Variants in MYO5C observed in about 807,000 individuals in gnomAD.
MYO5C encodes myosin VC.
In MYO5C, 194 loss-of-function variants were observed where a neutral mutation model predicts 235.7. The observed-to-expected ratio is 0.82, with a 90% confidence interval of 0.73 to 0.93. The LOEUF is 0.93. Ranked by LOEUF, MYO5C falls within the 40% of genes least tolerant of loss-of-function variation. The pLI, the probability that MYO5C is intolerant of heterozygous loss-of-function variation, is 0.00. For missense variants in MYO5C, 2,038 were observed against 2,127.2 expected (o/e 0.96, Z 0.82); for synonymous variants, 707 against 754.8 (o/e 0.94, Z 1.04).
At chr15:52,249,974 G>A (rs1254349651) in intron 13 of MYO5C, among the ~76,000 whole-genome samples, 1 of 152,132 alleles carries the variant, frequency 6.6e-6, no homozygotes, top group African/African-American at 2.4e-5. Context: ...GTTCTTTTAA[G>A]GGAGACTTCT....
chr15:52,265,835 G>C (rs1470432379), intron 8 of MYO5C, among the ~76,000 whole-genome samples: 2 of 152,104 alleles, frequency 1.3e-5, no homozygotes, highest in African/African-American at 4.8e-5. Context: ...CTGGCCCAGA[G>C]TCTCCTCTAC....
rs762042573 is a variant in MYO5C at position 52,242,197 on chromosome 15, C to G, written c.2407G>C (p.Val803Leu). ...GCTGCCCAAGCTTCTTTTAAGGCCA[C>G]TGCAGTAATAGCTTTCCTTGGTTAA... is the stretch of plus-strand genomic sequence containing the variant. ...QQTVRKAITA[V>L]ALKEAWAAII... The change falls in exon 20 of 41, where the codon GTG (valine) becomes CTG (leucine). Residue 803 changes from valine (V) to leucine (L), a missense_variant. Transcript: ENST00000261839. 1.9e-6 allele frequency: 3 copies of G among 1,612,804 alleles called. No individual in the cohort carries two copies. The South Asian group carries it at 3.3e-5, about 18-fold the overall frequency.
chr15:52,251,630 A>G, intron 12 of MYO5C, 115 bp from the exon 13 acceptor site: 1 of 496,782 alleles, frequency 2.0e-6, no homozygotes, highest in Non-Finnish European at 3.4e-6. Context: ...AACTGCTCTC[A>G]ATTAGAGGCT....
intron 13 of MYO5C, among the ~76,000 whole-genome samples, chr15:52,249,319 C>G (rs2036422124): frequency 6.6e-6 from 1 of 152,192 alleles, no homozygotes; most frequent in Non-Finnish European, 1.5e-5. Context: ...ACTCTCCATG[C>G]TGCCCTTTCT....
At chr15:52,233,270 C>T (rs28494129) in intron 23 of MYO5C, among the ~76,000 whole-genome samples, 3,899 of 124,760 alleles carry the variant, frequency 0.031, 1,172 homozygotes, top group African/African-American at 0.12. Flanking sequence ...CAGAGCGAGA[C>T]TCCGTCTCAA....
intron 24 of MYO5C, among the ~76,000 whole-genome samples, chr15:52,232,011 T>C (rs1261115494): frequency 3.9e-5 from 6 of 151,996 alleles, no homozygotes; most frequent in Admixed American, 1.3e-4. Flanking sequence ...GGAGGTTTAT[T>C]TCCTAGGCAA....
At chr15:52,284,573 A>C (rs2037223432) in intron 1 of MYO5C, among the ~76,000 whole-genome samples, 1 of 152,234 alleles carries the variant, frequency 6.6e-6, no homozygotes, top group South Asian at 2.1e-4. Flanking sequence ...ATGCAGACTT[A>C]AGATTTGTGC....
In MYO5C at chr15:52,229,148, C is replaced by T; in HGVS notation, c.3192G>A (p.Leu1064=). 6.2e-7 allele frequency: 1 copy of T among 1,614,182 alleles called. No individual in the cohort carries two copies. Among genetic ancestry groups the T allele is most frequent in the Non-Finnish European group, 8.5e-7 (1 of 1,180,024 alleles). The change falls in exon 25 of 41, where the codon CTG becomes CTA. Residue 1064 remains leucine, a synonymous_variant. Coordinates refer to ENST00000261839, the MANE Select transcript of MYO5C (RefSeq NM_018728.4). ...GCCGCTCTACCTTGACCTGCTTGCTCAGGCGGGCCACTTCCGCCTTCAAGC... is the reference window on the plus strand; with the variant it reads ...GCCGCTCTACCTTGACCTGCTTGCTTAGGCGGGCCACTTCCGCCTTCAAGC... ...SDGLKAEVAR[L]SKQVKTISEF... is the part of the protein sequence containing the mutation.
chr15:52,277,923 C>T (rs181740737), intron 4 of MYO5C: 27 of 455,948 alleles, frequency 5.9e-5, no homozygotes, highest in Admixed American at 2.3e-4. Flanking sequence ...AGCTCACAGA[C>T]GAAGACATAA....
At chr15:52,220,144 A>G (rs1342686802) in intron 30 of MYO5C, among the ~76,000 whole-genome samples, 2 of 152,244 alleles carry the variant, frequency 1.3e-5, no homozygotes, top group African/African-American at 4.8e-5. Context: ...CTTGTCTTAA[A>G]CTGTATCCAG....
intron 19 of MYO5C, chr15:52,242,833 T>C (rs1410013343): frequency 6.6e-6 from 1 of 152,254 alleles, no homozygotes; most frequent in Non-Finnish European, 1.5e-5. Flanking sequence ...AGGATGTCTG[T>C]ACACAGTGAA....
At position 52,213,093 on chromosome 15, in the gene MYO5C, T is replaced by G. The variant is rs777904489; in HGVS notation, c.4141+95A>C. 20 of 864,582 alleles carry G rather than the reference T, an allele frequency of 2.3e-5. No individual in the cohort carries two copies. In the African/African-American group the frequency reaches 2.7e-4, roughly 12 times the overall value. 53.6% of individuals were successfully genotyped at this position (864,582 alleles called of 1,614,324 possible). ...GGGGAAGAAGCAGTGGAAGAAAAAG[T>G]AGAAAAAGGACCACCCCTGCCCAGG... is the stretch of plus-strand genomic sequence containing the variant. On this transcript the variant is annotated intron_variant, in intron 34 of 40. Coordinates refer to ENST00000261839, the MANE Select transcript of MYO5C (RefSeq NM_018728.4).
At chr15:52,285,989 A>T (rs1391167076) in intron 1 of MYO5C, among the ~76,000 whole-genome samples, 1 of 151,580 alleles carries the variant, frequency 6.6e-6, no homozygotes, top group Admixed American at 6.6e-5. Context: ...GGAAGTAAGG[A>T]GCGTCTCTGC....
rs186611026 is a variant in MYO5C, at chr15:52,219,852, G to T, written c.3722-30C>A. The T allele has an allele frequency of 1.1e-4, 177 of 1,546,016 alleles. 1 individual carries two copies. In the East Asian group the frequency reaches 3.1e-3, roughly 27 times the overall value. On this transcript the variant is annotated intron_variant, in intron 30 of 40. Coordinates refer to ENST00000261839, the MANE Select transcript of MYO5C (RefSeq NM_018728.4). ...AATGAGAAGAACTGTCAGTACTTTGGGGGGGCACATATCACTGCATTCTGA... is the reference window on the plus strand; with the variant it reads ...AATGAGAAGAACTGTCAGTACTTTGTGGGGGCACATATCACTGCATTCTGA...
intron 1 of MYO5C, among the ~76,000 whole-genome samples, chr15:52,284,695 C>T (rs1315608312): frequency 6.6e-6 from 1 of 151,960 alleles, no homozygotes; most frequent in East Asian, 1.9e-4. Context: ...CTCAAAGATG[C>T]TTCAAAAAAG....
At chr15:52,264,670 T>C (rs994151793) in intron 8 of MYO5C, among the ~76,000 whole-genome samples, 2 of 152,238 alleles carry the variant, frequency 1.3e-5, no homozygotes, top group Non-Finnish European at 2.9e-5. Context: ...AATTATTTTT[T>C]AGGTGGGATT....
chr15:52,247,893 T>A (rs114415997), intron 14 of MYO5C, among the ~76,000 whole-genome samples: 10 of 152,286 alleles, frequency 6.6e-5, no homozygotes, highest in Admixed American at 3.3e-4. Flanking sequence ...TGGCTCACAC[T>A]GTGTCTCCAC....
intron 38 of MYO5C, 129 bp from the exon 39 acceptor site, chr15:52,196,612 A>G (rs959385857): frequency 2.2e-5 from 18 of 803,802 alleles, no homozygotes; most frequent in Middle Eastern, 2.9e-4. Flanking sequence ...TCATCTGCAA[A>G]ATGAGGGAGT....
chr15:52,208,452 G>T (rs1407211056), intron 36 of MYO5C, 102 bp downstream of exon 36: 4 of 1,006,094 alleles, frequency 4.0e-6, no homozygotes, highest in South Asian at 1.5e-5. Context: ...TGTGCTGTTG[G>T]CCTCCTGGTG....
Sources: allele counts gnomAD v4.1 joint callset (sites outside exome capture counted in the v4.1 genomes callset), GRCh38; gene constraint gnomAD v4.1.1; transcripts MANE v1.5; gene names NCBI Gene and HGNC (gene_info 2026-07-23, HGNC 2026-07-21).